TRIP12: variants seen among roughly 807,000 people sequenced by gnomAD.
The protein encoded by TRIP12 is thyroid hormone receptor interactor 12, also known as E3 ubiquitin-protein ligase TRIP12.
Under a neutral mutation model 244.2 loss-of-function variants are expected in TRIP12, and 25 were observed. The ratio of observed to expected loss-of-function variants is 0.10; its 90% confidence interval spans 0.07 to 0.14. The LOEUF is 0.14. Among genes scored for constraint, TRIP12 ranks in the 10% least tolerant of loss-of-function variants. The pLI, the probability that TRIP12 is intolerant of heterozygous loss-of-function variation, is 1.00. For synonymous variants in TRIP12, 905 were observed against 873.1 expected (o/e 1.04, Z -0.64); for missense variants, 1,677 against 2,486.4 (o/e 0.67, Z 6.92).
intron 1 of TRIP12, among the ~76,000 whole-genome samples, chr2:229,910,514 T>C (rs1262303812): frequency 6.6e-6 from 1 of 152,212 alleles, no homozygotes; most frequent in Non-Finnish European, 1.5e-5. Context: ...TTAAAACATG[T>C]ACCACAATGA....
At chr2:229,769,470 A>AG (rs1282602334) in intron 39 of TRIP12, 145 bp from the exon 40 acceptor site, 4 of 347,872 alleles carry the variant, frequency 1.1e-5, no homozygotes, top group Non-Finnish European at 2.0e-5. Flanking sequence ...AAAAAAAAAA[A>AG]TAATAATAAA....
At chr2:229,914,995 G>T (rs1221027539) in intron 1 of TRIP12, among the ~76,000 whole-genome samples, 1 of 152,184 alleles carries the variant, frequency 6.6e-6, no homozygotes, top group Non-Finnish European at 1.5e-5. Context: ...GTTCATTCTT[G>T]TAATACCAGC....
intron 34 of TRIP12, among the ~76,000 whole-genome samples, chr2:229,782,132 G>C (rs1286378112): frequency 6.6e-6 from 1 of 152,152 alleles, no homozygotes; most frequent in Non-Finnish European, 1.5e-5. Flanking sequence ...CAAATGGTTA[G>C]AGCAAAGGTC....
At position 229,893,908 on chromosome 2, in the gene TRIP12, T is replaced by C. The variant is rs1560179156; in HGVS notation, c.-49-13780A>G. On this transcript the variant is annotated intron_variant, in intron 1 of 41. Coordinates refer to ENST00000675903, the MANE Select transcript of TRIP12 (RefSeq NM_001348323.3). ...GATGGAGGTGAGTAGAGACAGGATG[T>C]TGCTATGTTACCCGGGCTGGTCCCA... 2.0e-5 allele frequency among the ~76,000 whole-genome samples: 3 copies of C among 152,192 alleles called. No individual in the cohort carries two copies. The South Asian group carries it at 6.2e-4, about 32-fold the overall frequency.
At chr2:229,869,526 A>G (rs1228901895) in intron 2 of TRIP12, among the ~76,000 whole-genome samples, 1 of 152,196 alleles carries the variant, frequency 6.6e-6, no homozygotes, top group African/African-American at 2.4e-5. Context: ...ATCTGACTCT[A>G]GTAACAACCT....
At chr2:229,887,353 G>A (rs1237582426) in intron 1 of TRIP12, among the ~76,000 whole-genome samples, 3 of 152,222 alleles carry the variant, frequency 2.0e-5, no homozygotes. Flanking sequence ...CTAGAGCAGT[G>A]AGGAAAGACA....
chr2:229,811,294 A>C, intron 13 of TRIP12, 90 bp from the exon 14 acceptor site: 2 of 1,330,234 alleles, frequency 1.5e-6, no homozygotes, highest in Non-Finnish European at 2.1e-6. Context: ...CTAACCCCAG[A>C]TTCTTCAAGG....
chr2:229,791,364 C>T, intron 29 of TRIP12, 113 bp from the exon 30 acceptor site: 1 of 1,188,374 alleles, frequency 8.4e-7, no homozygotes, highest in Non-Finnish European at 1.2e-6. Context: ...GATCTATTCT[C>T]CTCTCTCTCC....
At chr2:229,922,625 G>C (rs1462278384), upstream of TRIP12, 3 of 1,613,142 alleles carry the variant, frequency 1.9e-6, no homozygotes, top group African/African-American at 1.3e-5. Flanking sequence ...TGCGAGCCGC[G>C]GTTTACCCTC....
chr2:229,880,052 C>T lies in TRIP12; in HGVS notation c.28G>A (p.Gly10Arg). 1 of 1,614,104 alleles carries T rather than the reference C, an allele frequency of 6.2e-7. No individual in the cohort carries two copies. Among genetic ancestry groups the T allele is most frequent in the Non-Finnish European group, 8.5e-7 (1 of 1,180,028 alleles). ...CTCTGTGAACGTCGCAGTGACCCCC[C>T]TGGATTGTTATTAGGCCGGTTGGAC... The part of the protein sequence containing the change: MSNRPNNNP[G>R]GSLRRSQRNT... Residue 10 changes from glycine to arginine, a missense_variant, in exon 2 of 42, where the codon GGG becomes AGG. By Grantham distance (125) the Gly-to-Arg change is moderately radical (BLOSUM62 -2). This residue lies in a region of TRIP12 where 387 missense variants were observed against 392.6 expected (regional missense o/e 0.99). Coordinates refer to ENST00000675903, the MANE Select transcript of TRIP12 (RefSeq NM_001348323.3).
intron 1 of TRIP12, among the ~76,000 whole-genome samples, chr2:229,914,693 G>A (rs533706554): frequency 1.1e-4 from 17 of 152,164 alleles, no homozygotes; most frequent in Non-Finnish European, 1.5e-4. Flanking sequence ...CGGCTAGAGT[G>A]AGTAGGAGTT....
At chr2:229,846,460 T>C (rs2057600168) in intron 4 of TRIP12, among the ~76,000 whole-genome samples, 1 of 152,204 alleles carries the variant, frequency 6.6e-6, no homozygotes, top group African/African-American at 2.4e-5. Flanking sequence ...GCCATGTACA[T>C]TGTTTTTTTA....
chr2:229,829,112 T>C lies in TRIP12; in HGVS notation c.1450+81A>G, dbSNP rs539803870. ...TTAAAGTTGATGAAAAACTTCTTAA[T>C]ACTTACATCAATAGGTTACAAGTAA... is the stretch of plus-strand genomic sequence containing the variant. On this transcript the variant is annotated intron_variant, in intron 8 of 41. Coordinates refer to ENST00000675903, the MANE Select transcript of TRIP12 (RefSeq NM_001348323.3). 9 of 1,295,450 alleles carry C rather than the reference T, an allele frequency of 6.9e-6. No homozygotes were observed. In the Admixed American group the frequency reaches 1.2e-4, roughly 18 times the overall value. 80.2% of individuals were successfully genotyped at this position (1,295,450 alleles called of 1,614,324 possible).
rs375109077 is a variant in TRIP12 at position 229,895,777 on chromosome 2, T to C, written c.-49-15649A>G. On this transcript the variant is annotated intron_variant, in intron 1 of 41. Coordinates refer to ENST00000675903, the MANE Select transcript of TRIP12 (RefSeq NM_001348323.3). ...AATTTTCTAGAACCAGTAAATGATA[T>C]GAATCCACAGATGCGAGGGACCTAA... 7.2e-5 allele frequency among the ~76,000 whole-genome samples: 11 copies of C among 152,000 alleles called. No individual in the cohort carries two copies. The East Asian group carries it at 2.1e-3, about 29-fold the overall frequency.
rs58791931 is a variant in TRIP12 at position 229,824,514 on chromosome 2, G to GA, written c.1450+4678dup. Among the ~76,000 whole-genome samples the GA allele has an allele frequency of 4.9e-3, 737 of 150,608 alleles. 6 individuals are homozygous for GA. The highest frequency in any genetic ancestry group is 0.017 in the African/African-American group (699 of 41,138). On this transcript the variant is annotated intron_variant, in intron 8 of 41. Transcript: ENST00000675903. ...ACATTTCACTGAAGCCTTGCCAATA[G>GA]AAAAAAAAACTGAAAACTCAAATGT... is the stretch of plus-strand genomic sequence containing the variant.
chr2:229,814,744 A>G (rs762510160), intron 11 of TRIP12, among the ~76,000 whole-genome samples: 3 of 152,234 alleles, frequency 2.0e-5, no homozygotes, highest in Non-Finnish European at 4.4e-5. Context: ...ACTAGAAACC[A>G]TATGAAAATT....
intron 1 of TRIP12, among the ~76,000 whole-genome samples, chr2:229,899,365 G>A (rs1576888677): frequency 6.6e-6 from 1 of 152,094 alleles, no homozygotes; most frequent in African/African-American, 2.4e-5. Context: ...GTTTTCCTCA[G>A]GTGGAAAAAA....
intron 1 of TRIP12, among the ~76,000 whole-genome samples, chr2:229,889,324 A>G (rs1427386816): frequency 1.3e-5 from 2 of 152,244 alleles, no homozygotes; most frequent in Admixed American, 1.3e-4. Context: ...AAGATGATCA[A>G]TTATCCTGAA....
At chr2:229,771,248 T>A (rs894210837) in intron 39 of TRIP12, among the ~76,000 whole-genome samples, 2 of 152,200 alleles carry the variant, frequency 1.3e-5, no homozygotes, top group African/African-American at 4.8e-5. Flanking sequence ...CAAGTCCCCA[T>A]TCTCCACTGA....
Sources: allele counts gnomAD v4.1 joint callset (sites outside exome capture counted in the v4.1 genomes callset), GRCh38; gene constraint gnomAD v4.1.1; regional missense constraint gnomAD v4.1.1; transcripts MANE v1.5; gene names NCBI Gene and HGNC (gene_info 2026-07-23, HGNC 2026-07-21).